MATR3: variants seen among roughly 807,000 people sequenced by gnomAD.
The protein encoded by MATR3 is matrin 3, also known as matrin-3.
In MATR3, 4 loss-of-function variants were observed where a neutral mutation model predicts 85.5. That is an observed-to-expected ratio of 0.05 (90% CI 0.02 to 0.11). The LOEUF is 0.11. Ranked by LOEUF, MATR3 falls within the 10% of genes least tolerant of loss-of-function variation. The probability of loss-of-function intolerance (pLI) is 1.00; values close to 1 mark genes in which losing one functional copy is unlikely to be tolerated. For synonymous variants in MATR3, 336 were observed against 343.1 expected, an observed-to-expected ratio of 0.98 and a Z score of 0.23; for missense variants, 685 against 1,016.1, an observed-to-expected ratio of 0.67 and a Z score of 4.43.
chr5:139,321,188 C>T (rs761753373), intron 9 of MATR3, among the ~76,000 whole-genome samples: 6 of 152,014 alleles, frequency 3.9e-5, no homozygotes, highest in African/African-American at 9.7e-5. Context: ...CTTGCTCTGT[C>T]GCCCAGTCTA....
Position 139,326,017 on chromosome 5 carries a change from AT to A in MATR3, c.2372-145del, listed in dbSNP as rs1340802396. ...AACATCAATTAGGTAAAAGCAAAAT[AT>A]GGTTCGGTTTTTGTTTTTTATCTTA... On this transcript the variant is annotated intron_variant, in intron 13 of 14. Transcript: ENST00000394805. 5 of 722,670 alleles carry A rather than the reference AT, an allele frequency of 6.9e-6. No homozygotes were observed. In the African/African-American group the frequency reaches 9.0e-5, roughly 13 times the overall value. The allele number at this position is 722,670 out of a possible 1,614,324, so 44.8% of individuals were successfully genotyped here. A position where few individuals can be genotyped will look rare whatever the true frequency, so the allele number is the denominator to read the frequency against.
intron 3 of MATR3, among the ~76,000 whole-genome samples, chr5:139,288,307 C>T (rs538856751): frequency 9.0e-4 from 137 of 152,202 alleles, no homozygotes; most frequent in African/African-American, 3.2e-3. Flanking sequence ...TCTTTTGAAT[C>T]TCCCACATCA....
At chr5:139,314,531 T>A (rs1755149870) in intron 2 of MATR3, 144 bp from the exon 3 acceptor site, 1 of 691,566 alleles carries the variant, frequency 1.4e-6, no homozygotes, top group Admixed American at 2.1e-5. Flanking sequence ...TGGTTTTAAA[T>A]TAAATCAATG....
At chr5:139,294,103 G>A in intron 1 of MATR3, 3 of 1,228,864 alleles carry the variant, frequency 2.4e-6, no homozygotes, top group Non-Finnish European at 3.1e-6. Flanking sequence ...GTGAAGAGGT[G>A]CGCTGACCGG....
At chr5:139,311,750 CTTTTTTTTTTTTTTTTTTTTTTTTTTTTT>C (rs552172719) in intron 2 of MATR3, 72 of 65,240 alleles carry the variant, frequency 1.1e-3, no homozygotes, top group African/African-American at 4.4e-3. Flanking sequence ...TTAATTAATC[CTTTTTTTTTTTTTTTTTTTTTTTTTTTTT>C]TTTTTTGAGA....
At chr5:139,296,867 T>TTAG (rs1754181901) in intron 1 of MATR3, among the ~76,000 whole-genome samples, 1 of 152,252 alleles carries the variant, frequency 6.6e-6, no homozygotes, top group Non-Finnish European at 1.5e-5. Flanking sequence ...TATCCCACAC[T>TTAG]TCTGGCAACA....
intron 10 of MATR3, 142 bp from the exon 11 acceptor site, chr5:139,322,321 T>G: frequency 4.8e-6 from 4 of 829,298 alleles, no homozygotes; most frequent in Non-Finnish European, 8.1e-6. Context: ...GATGAATGTC[T>G]GTAGGCAGCT....
At position 139,307,644 on chromosome 5, in the gene MATR3, A is replaced by G; in HGVS notation, c.229A>G (p.Ser77Gly). 1 of 1,614,208 alleles carries G rather than the reference A, an allele frequency of 6.2e-7. No homozygotes were observed. The highest frequency in any genetic ancestry group is 8.5e-7 in the Non-Finnish European group (1 of 1,180,026). Residue 77 changes from serine (S) to glycine (G), a missense_variant, in exon 2 of 15, where the codon AGT (serine) becomes GGT (glycine). Transcript: ENST00000394805. This position sits in a 1 kb window ranked among gnomAD's most constrained non-coding sequence, Gnocchi z 4.4. The stretch of plus-strand genomic sequence containing the variant: ...AGCTCATAGTGCACTGTCTTCTGCT[A>G]GTACTTCTTCCCATAATTTGCAGTC... ...QGAHSALSSA[S>G]TSSHNLQSIF...
chr5:139,317,512 G>T, intron 6 of MATR3, 84 bp from the exon 7 acceptor site: 4 of 1,327,206 alleles, frequency 3.0e-6, no homozygotes, highest in Non-Finnish European at 4.3e-6. Context: ...GTTAATTATA[G>T]ATTATAAAAA....
chr5:139,319,237 C>T, intron 8 of MATR3, 97 bp from the exon 9 acceptor site: 1 of 1,378,480 alleles, frequency 7.3e-7, no homozygotes, highest in African/African-American at 1.4e-5. Context: ...GACCTCGTCT[C>T]TATAAAAATA....
chr5:139,278,328 A>T (rs562289266), intron 2 of MATR3: 1 of 453,914 alleles, frequency 2.2e-6, no homozygotes, highest in Non-Finnish European at 4.4e-6. Context: ...CCTTTTTAGG[A>T]TGACTTGAAA....
chr5:139,323,755 G>A (rs1357730608), intron 12 of MATR3, among the ~76,000 whole-genome samples: 3 of 152,132 alleles, frequency 2.0e-5, no homozygotes, highest in Admixed American at 6.6e-5. Context: ...TTAGCCGGGC[G>A]TGGTGGCACA....
intron 1 of MATR3, among the ~76,000 whole-genome samples, chr5:139,299,576 G>T (rs1245788594): frequency 6.6e-6 from 1 of 152,132 alleles, no homozygotes; most frequent in Non-Finnish European, 1.5e-5. Context: ...GACCAAGGAG[G>T]ATCACTTGAG....
At chr5:139,278,584 G>A in intron 2 of MATR3, 1 of 357,110 alleles carries the variant, frequency 2.8e-6, no homozygotes, top group Non-Finnish European at 5.6e-6. Context: ...GCAGTGCTTG[G>A]CACATGGCAG....
At chr5:139,323,684 G>T (rs905485225) in intron 12 of MATR3, among the ~76,000 whole-genome samples, 3 of 152,156 alleles carry the variant, frequency 2.0e-5, no homozygotes, top group South Asian at 4.1e-4. Context: ...CAGCAGATCA[G>T]TTGAGGCCAG....
chr5:139,278,860 T>C (rs1362164288), intron 2 of MATR3: 4 of 517,258 alleles, frequency 7.7e-6, no homozygotes, highest in South Asian at 1.4e-5. Flanking sequence ...ACTGTCTTTA[T>C]TGAGGTTTGG....
upstream of MATR3, among the ~76,000 whole-genome samples, chr5:139,291,714 T>C (rs985813123): frequency 3.9e-5 from 6 of 152,124 alleles, no homozygotes; most frequent in African/African-American, 1.4e-4. Context: ...AATTTTTGTA[T>C]TTCGAGTAGA....
chr5:139,329,490 A>C lies in MATR3; in HGVS notation c.*95A>C. ...AATACAATACTGATAGTTAGAAGAA[A>C]ACTATTGTACTCTTTTGTTTTAGTG... On this transcript the variant is annotated 3_prime_UTR_variant, in exon 15 of 15. Transcript: ENST00000394805. The C allele has an allele frequency of 9.7e-7, 1 of 1,031,222 alleles. No individual in the cohort carries two copies. Among genetic ancestry groups the C allele is most frequent in the Non-Finnish European group, 1.5e-6 (1 of 666,340 alleles). 63.9% of individuals were successfully genotyped at this position (1,031,222 alleles called of 1,614,324 possible). A position where few individuals can be genotyped will look rare whatever the true frequency, so the allele number is the denominator to read the frequency against.
intron 5 of MATR3, 82 bp downstream of exon 5, chr5:139,316,270 G>A: frequency 1.9e-6 from 2 of 1,060,458 alleles, no homozygotes; most frequent in Non-Finnish European, 2.9e-6. Context: ...TTTGAGATGG[G>A]GTTTTGCTCT....
Sources: gnomAD v4.1 joint callset for allele counts (sites outside exome capture counted in the v4.1 genomes callset) on GRCh38, gnomAD v4.1.1 for gene constraint, Gnocchi (gnomAD v3.1) non-coding constraint, MANE v1.5 for transcripts, NCBI Gene and HGNC (gene_info 2026-07-23, HGNC 2026-07-21) for gene names.